Variants in KCND2 observed in about 807,000 individuals in gnomAD.
KCND2 encodes the protein A-type voltage-gated potassium channel KCND2.
In KCND2, 16 loss-of-function variants were observed where a neutral mutation model predicts 54.4. That is an observed-to-expected ratio of 0.29 (90% confidence interval 0.20 to 0.45). The LOEUF is 0.45. Among genes scored for constraint, KCND2 ranks in the 20% least tolerant of loss-of-function variants. The probability of loss-of-function intolerance (pLI) is 1.00; values close to 1 mark genes in which losing one functional copy is unlikely to be tolerated. For synonymous variants in KCND2, 317 were observed against 310.7 expected, an observed-to-expected ratio of 1.02 and a Z score of -0.21; for missense variants, 486 against 824.2, an observed-to-expected ratio of 0.59 and a Z score of 5.02.
In KCND2 at chr7:120,275,001, C is replaced by G. The variant is rs1293169988; in HGVS notation, c.369C>G (p.Gly123=). Residue 123 remains glycine, a synonymous_variant, in exon 1 of 6, where the codon GGC becomes GGG. Coordinates refer to ENST00000331113, the MANE Select transcript of KCND2 (RefSeq NM_012281.3). ...ACGATGAAGAACTGGCCTTCTTTGG[C>G]CTCATCCCGGAAATCATCGGCGACT... ...SAYDEELAFF[G]LIPEIIGDCC... is the part of the protein sequence containing the mutation. The G allele has an allele frequency of 6.2e-7, 1 of 1,613,938 alleles. No individual in the cohort carries two copies. Among genetic ancestry groups the G allele is most frequent in the East Asian group, 2.2e-5 (1 of 44,860 alleles).
chr7:120,606,034 G>A (rs1254609081), intron 1 of KCND2, among the ~76,000 whole-genome samples: 1 of 152,018 alleles, frequency 6.6e-6, no homozygotes, highest in Non-Finnish European at 1.5e-5. Flanking sequence ...TTTATAAAAG[G>A]CATTTCCCCT....
At chr7:120,393,972 T>C (rs1019821516) in intron 1 of KCND2, among the ~76,000 whole-genome samples, 14 of 151,998 alleles carry the variant, frequency 9.2e-5, no homozygotes, top group African/African-American at 3.4e-4. Context: ...GGCAGATAAC[T>C]TACTGTCTTT....
chr7:120,313,970 C>T (rs1799776769), intron 1 of KCND2, among the ~76,000 whole-genome samples: 1 of 151,230 alleles, frequency 6.6e-6, no homozygotes, highest in South Asian at 2.1e-4. Flanking sequence ...AAAAAGCCAA[C>T]ATCATCTGAG....
At chr7:120,466,244 G>T (rs1186015164) in intron 1 of KCND2, among the ~76,000 whole-genome samples, 1 of 152,142 alleles carries the variant, frequency 6.6e-6, no homozygotes, top group Non-Finnish European at 1.5e-5. Flanking sequence ...GTTAGCAGAG[G>T]ATAAGACTGA....
intron 1 of KCND2, among the ~76,000 whole-genome samples, chr7:120,540,812 T>C (rs1217304823): frequency 6.6e-6 from 1 of 151,214 alleles, no homozygotes; most frequent in Non-Finnish European, 1.5e-5. Flanking sequence ...ATTCACTCTC[T>C]ATAAAAAAAA....
intron 1 of KCND2, among the ~76,000 whole-genome samples, chr7:120,648,753 A>G (rs1396818619): frequency 6.6e-6 from 1 of 152,210 alleles, no homozygotes; most frequent in Non-Finnish European, 1.5e-5. Context: ...CACACTATGA[A>G]TCTAGTCAAC....
At chr7:120,533,762 G>C (rs1791870059) in intron 1 of KCND2, among the ~76,000 whole-genome samples, 1 of 151,946 alleles carries the variant, frequency 6.6e-6, no homozygotes, top group Admixed American at 6.6e-5. Context: ...TTTTTTCCTT[G>C]TGGTCTTTCA....
intron 1 of KCND2, among the ~76,000 whole-genome samples, chr7:120,382,545 A>G (rs1033973988): frequency 1.3e-5 from 2 of 151,844 alleles, no homozygotes; most frequent in Admixed American, 6.6e-5. Flanking sequence ...TTAGAGCAGA[A>G]CAGGATGTCT....
At chr7:120,607,703 G>T (rs1341073924) in intron 1 of KCND2, among the ~76,000 whole-genome samples, 3 of 152,044 alleles carry the variant, frequency 2.0e-5, no homozygotes, top group Non-Finnish European at 4.4e-5. Context: ...TATCGATCAT[G>T]AGATTTCAAA....
intron 1 of KCND2, among the ~76,000 whole-genome samples, chr7:120,394,465 G>A (rs1470452844): frequency 1.3e-5 from 2 of 151,896 alleles, no homozygotes; most frequent in Admixed American, 6.6e-5. Flanking sequence ...GGGAACTCAC[G>A]AATCTTGTGA....
At chr7:120,495,676 T>G (rs1482278697) in intron 1 of KCND2, among the ~76,000 whole-genome samples, 1 of 152,190 alleles carries the variant, frequency 6.6e-6, no homozygotes, top group Non-Finnish European at 1.5e-5. Context: ...GGAAGCTGCA[T>G]GCACTTATTC....
chr7:120,456,439 C>T (rs1474669776), intron 1 of KCND2, among the ~76,000 whole-genome samples: 6 of 152,078 alleles, frequency 3.9e-5, no homozygotes, highest in Non-Finnish European at 5.9e-5. Flanking sequence ...TTCATTTGTA[C>T]TTATCTTTGA....
intron 1 of KCND2, among the ~76,000 whole-genome samples, chr7:120,419,428 G>C (rs1232119255): frequency 2.6e-5 from 4 of 152,136 alleles, no homozygotes; most frequent in Non-Finnish European, 5.9e-5. Context: ...TTAGAATATA[G>C]TCCAATCTCA....
intron 1 of KCND2, among the ~76,000 whole-genome samples, chr7:120,667,198 A>G (rs1165540283): frequency 6.6e-6 from 1 of 152,074 alleles, no homozygotes; most frequent in Non-Finnish European, 1.5e-5. Context: ...CTTATTTTAA[A>G]TGTATAATGA....
intron 2 of KCND2, among the ~76,000 whole-genome samples, chr7:120,739,477 A>G (rs1792913301): frequency 6.6e-6 from 1 of 152,112 alleles, no homozygotes; most frequent in African/African-American, 2.4e-5. Flanking sequence ...AAATTTTTCT[A>G]CCTTCCAATT....
At chr7:120,714,461 T>C (rs1792578494) in intron 1 of KCND2, among the ~76,000 whole-genome samples, 2 of 152,274 alleles carry the variant, frequency 1.3e-5, no homozygotes. Flanking sequence ...TGAGCCAATA[T>C]TGTGTTTGCA....
At chr7:120,549,483 G>A (rs1376425021) in intron 1 of KCND2, among the ~76,000 whole-genome samples, 4 of 152,146 alleles carry the variant, frequency 2.6e-5, no homozygotes, top group East Asian at 1.9e-4. Flanking sequence ...CACACTCAGT[G>A]TTTGTGTGTT....
intron 1 of KCND2, among the ~76,000 whole-genome samples, chr7:120,717,396 G>A (rs143096211): frequency 1.8e-4 from 28 of 152,220 alleles, no homozygotes; most frequent in Non-Finnish European, 4.4e-5. Context: ...ATTCTATTTA[G>A]AAGTGCACGT....
At chr7:120,424,795 C>G (rs1801676941) in intron 1 of KCND2, among the ~76,000 whole-genome samples, 1 of 152,186 alleles carries the variant, frequency 6.6e-6, no homozygotes, top group Non-Finnish European at 1.5e-5. Flanking sequence ...TAACAGCTTA[C>G]TTGACAATAA....
Sources: gnomAD v4.1 joint callset for allele counts (sites outside exome capture counted in the v4.1 genomes callset) on GRCh38, gnomAD v4.1.1 for gene constraint, MANE v1.5 for transcripts, NCBI Gene and HGNC (gene_info 2026-07-23, HGNC 2026-07-21) for gene names.